Variants in CNKSR3 observed in about 807,000 individuals in gnomAD.
CNKSR3 encodes CNKSR family member 3.
A neutral mutation model predicts 67.7 loss-of-function variants in CNKSR3; 36 were observed. That is an observed-to-expected ratio of 0.53 (90% CI 0.41 to 0.70). The LOEUF (loss-of-function observed/expected upper bound fraction) is 0.70, where lower values mean the gene tolerates loss of function less well. Ranked by LOEUF, CNKSR3 falls within the 30% of genes least tolerant of loss-of-function variation. The pLI, the probability that CNKSR3 is intolerant of heterozygous loss-of-function variation, is 0.00. For missense variants in CNKSR3, 630 were observed against 695.2 expected, an observed-to-expected ratio of 0.91 and a Z score of 1.05; for synonymous variants, 281 against 271.4, an observed-to-expected ratio of 1.04 and a Z score of -0.35.
intron 1 of CNKSR3, among the ~76,000 whole-genome samples, chr6:154,452,385 A>T (rs1785856117): frequency 6.6e-6 from 1 of 152,222 alleles, no homozygotes; most frequent in African/African-American, 2.4e-5. Context: ...GAATTACAGA[A>T]TCTTAGAGAC....
At chr6:154,509,318 G>A (rs887966731) in intron 1 of CNKSR3, among the ~76,000 whole-genome samples, 6 of 37,498 alleles carry the variant, frequency 1.6e-4, no homozygotes, top group African/African-American at 4.8e-4. Flanking sequence ...CCCCCCCACC[G>A]CCCCAGCCCC....
rs1476744942 is a variant in CNKSR3 at position 154,392,585 on chromosome 6, G to C, written c.*13769C>G. 6.6e-6 allele frequency: 1 copy of C among 152,264 alleles called. No homozygotes were observed. The highest frequency in any genetic ancestry group is 1.5e-5 in the Non-Finnish European group (1 of 68,068). The allele number at this position is 152,264 out of a possible 1,614,324, so 9.4% of individuals were successfully genotyped here. A position where few individuals can be genotyped will look rare whatever the true frequency, so the allele number is the denominator to read the frequency against. ...CAAAAGAGGGTCCCGAAACCTTGTG[G>C]GGATTGTAAGCTCTATGATGAAGGA... On this transcript the variant is annotated 3_prime_UTR_variant, in exon 13 of 13. Transcript: ENST00000607772.
At chr6:154,467,389 A>G (rs1197370015) in intron 1 of CNKSR3, among the ~76,000 whole-genome samples, 1 of 152,178 alleles carries the variant, frequency 6.6e-6, no homozygotes, top group Non-Finnish European at 1.5e-5. Flanking sequence ...ACTAGATGCT[A>G]CTACTATGTA....
intron 4 of CNKSR3, among the ~76,000 whole-genome samples, chr6:154,435,738 C>G (rs1028235577): frequency 3.3e-5 from 5 of 152,266 alleles, no homozygotes; most frequent in African/African-American, 1.2e-4. Flanking sequence ...AGCCCTGGGT[C>G]ACCTGGCAGC....
At chr6:154,460,778 T>C (rs986788142) in intron 1 of CNKSR3, among the ~76,000 whole-genome samples, 1 of 152,202 alleles carries the variant, frequency 6.6e-6, no homozygotes. Flanking sequence ...TTACGCTGAA[T>C]GAAGGGTAGA....
In CNKSR3 at chr6:154,427,985, A is replaced by G. The variant is rs567999837; in HGVS notation, c.729+143T>C. Reference sequence around the variant, plus strand: ...AACAGCTGGTGACAAGCAGTACTCTATCAACAGAAATAAACAAAGCAGGTA... The same window carrying G: ...AACAGCTGGTGACAAGCAGTACTCTGTCAACAGAAATAAACAAAGCAGGTA... On this transcript the variant is annotated intron_variant, in intron 7 of 12. Coordinates refer to ENST00000607772, the MANE Select transcript of CNKSR3 (RefSeq NM_173515.4). The G allele has an allele frequency of 1.2e-4, 78 of 632,742 alleles. 1 individual carries two copies. Among genetic ancestry groups the G allele is most frequent in the African/African-American group, 1.0e-3 (55 of 54,994 alleles). The allele number at this position is 632,742 out of a possible 1,614,324, so 39.2% of individuals were successfully genotyped here. A position where few individuals can be genotyped will look rare whatever the true frequency, so the allele number is the denominator to read the frequency against.
chr6:154,495,501 TG>T (rs1786859300), intron 1 of CNKSR3, among the ~76,000 whole-genome samples: 1 of 151,842 alleles, frequency 6.6e-6, no homozygotes, highest in Non-Finnish European at 1.5e-5. Flanking sequence ...CTCAAGTAAC[TG>T]GGACTATAGG....
chr6:154,479,915 C>A (rs1019223486), intron 1 of CNKSR3, among the ~76,000 whole-genome samples: 1 of 152,168 alleles, frequency 6.6e-6, no homozygotes, highest in Non-Finnish European at 1.5e-5. Flanking sequence ...CTCCCTCACA[C>A]GGTGGTTAAG....
chr6:154,502,592 G>T (rs1227494757), intron 1 of CNKSR3, among the ~76,000 whole-genome samples: 1 of 152,100 alleles, frequency 6.6e-6, no homozygotes, highest in Non-Finnish European at 1.5e-5. Flanking sequence ...AGCCTGTGAG[G>T]CCTGGTCCCA....
In CNKSR3 at chr6:154,396,392, G is replaced by T. The variant is rs949929322; in HGVS notation, c.*9962C>A. On this transcript the variant is annotated 3_prime_UTR_variant, in exon 13 of 13. Coordinates refer to ENST00000607772, the MANE Select transcript of CNKSR3 (RefSeq NM_173515.4). ...AATAAAATTCTTTATGGAATAGTCT[G>T]CAAAATGCTTTAATATATTAATAAA... 8 of 152,266 alleles carry T rather than the reference G, an allele frequency of 5.3e-5. No homozygotes were observed. The highest frequency in any genetic ancestry group is 1.9e-4 in the African/African-American group (8 of 41,550). The allele number at this position is 152,266 out of a possible 1,614,324, so 9.4% of individuals were successfully genotyped here. A position where few individuals can be genotyped will look rare whatever the true frequency, so the allele number is the denominator to read the frequency against.
intron 1 of CNKSR3, among the ~76,000 whole-genome samples, chr6:154,493,830 C>T (rs771523682): frequency 3.3e-5 from 5 of 152,002 alleles, no homozygotes; most frequent in Non-Finnish European, 7.4e-5. Flanking sequence ...CTCACTATCA[C>T]GAGAACACCT....
chr6:154,436,811 T>C (rs1195734927), intron 4 of CNKSR3, among the ~76,000 whole-genome samples: 2 of 152,126 alleles, frequency 1.3e-5, no homozygotes, highest in Non-Finnish European at 2.9e-5. Flanking sequence ...TCATCTCAAA[T>C]TACAGCCTCA....
At chr6:154,491,122 C>T (rs1389328799) in intron 1 of CNKSR3, among the ~76,000 whole-genome samples, 1 of 152,174 alleles carries the variant, frequency 6.6e-6, no homozygotes, top group Non-Finnish European at 1.5e-5. Flanking sequence ...GCTGGGATTA[C>T]AGGCGTGAGC....
At chr6:154,442,864 C>T (rs1017769962) in intron 2 of CNKSR3, among the ~76,000 whole-genome samples, 3 of 151,832 alleles carry the variant, frequency 2.0e-5, no homozygotes, top group Non-Finnish European at 2.9e-5. Flanking sequence ...CAAATATTGT[C>T]GTAGACAGCT....
chr6:154,408,621 TGAA>T (rs1413010010), intron 12 of CNKSR3, among the ~76,000 whole-genome samples: 3 of 152,180 alleles, frequency 2.0e-5, no homozygotes, highest in African/African-American at 4.8e-5. Context: ...TGTCAGGGGC[TGAA>T]GAAGGACGGA....
At chr6:154,495,914 C>T (rs890750931) in intron 1 of CNKSR3, among the ~76,000 whole-genome samples, 1 of 151,970 alleles carries the variant, frequency 6.6e-6, no homozygotes, top group Admixed American at 6.6e-5. Flanking sequence ...CAACCCTCCC[C>T]ATTGCCACGG....
chr6:154,450,926 C>G (rs1785812957), intron 1 of CNKSR3, among the ~76,000 whole-genome samples: 1 of 152,192 alleles, frequency 6.6e-6, no homozygotes, highest in African/African-American at 2.4e-5. Flanking sequence ...CCAATAATAT[C>G]CTATATGCCC....
intron 7 of CNKSR3, among the ~76,000 whole-genome samples, chr6:154,424,073 A>C (rs987082321): frequency 6.6e-6 from 1 of 152,078 alleles, no homozygotes; most frequent in African/African-American, 2.4e-5. Flanking sequence ...TCTACTAAAA[A>C]TACAAAAAAT....
chr6:154,410,218 G>A (rs566915360), intron 12 of CNKSR3, 125 bp downstream of exon 12: 16 of 601,506 alleles, frequency 2.7e-5, no homozygotes, highest in African/African-American at 1.7e-4. Flanking sequence ...ATGAGAAAAC[G>A]GGACTCAGAA....
Sources: gnomAD v4.1 joint callset for allele counts (sites outside exome capture counted in the v4.1 genomes callset) on GRCh38, gnomAD v4.1.1 for gene constraint, MANE v1.5 for transcripts, NCBI Gene and HGNC (gene_info 2026-07-23, HGNC 2026-07-21) for gene names.